The following RFX4 variants were observed in gnomAD, a reference collection of about 807,000 sequenced individuals.
RFX4 encodes the protein transcription factor RFX4.
RFX4 carries 10 observed loss-of-function variants against 95.0 expected under a neutral mutation model. The ratio of observed to expected loss-of-function variants is 0.11; its 90% CI spans 0.06 to 0.18. The LOEUF is 0.18. Ranked by LOEUF, RFX4 falls within the 10% of genes least tolerant of loss-of-function variation. RFX4 has a pLI of 1.00. For missense variants in RFX4, 640 were observed against 922.0 expected, an observed-to-expected ratio of 0.69 and a Z score of 3.96; for synonymous variants, 321 against 340.7, an observed-to-expected ratio of 0.94 and a Z score of 0.64.
At chr12:106,704,883 G>A (rs192054741) in intron 8 of RFX4, among the ~76,000 whole-genome samples, 3 of 152,170 alleles carry the variant, frequency 2.0e-5, no homozygotes, top group African/African-American at 7.2e-5. Context: ...AAGTCAAAGA[G>A]GCAAAGAAAA....
chr12:106,678,069 TA>T (rs1381912621), intron 4 of RFX4, among the ~76,000 whole-genome samples: 1 of 152,232 alleles, frequency 6.6e-6, no homozygotes, highest in Non-Finnish European at 1.5e-5. Flanking sequence ...AGTCATAGAT[TA>T]AATTGATCCG....
chr12:106,588,929 A>C (rs1223069708), intron 1 of RFX4, among the ~76,000 whole-genome samples: 1 of 152,168 alleles, frequency 6.6e-6, no homozygotes, highest in Non-Finnish European at 1.5e-5. Context: ...TTTTCCAAAA[A>C]GGCTGAGAAG....
intron 4 of RFX4, among the ~76,000 whole-genome samples, chr12:106,660,415 C>A (rs1180539569): frequency 6.6e-6 from 1 of 151,778 alleles, no homozygotes; most frequent in African/African-American, 2.4e-5. Flanking sequence ...TCCATGGAAG[C>A]TAAAGTGGGT....
chr12:106,688,551 A>G (rs1204389477), intron 6 of RFX4, among the ~76,000 whole-genome samples: 1 of 152,240 alleles, frequency 6.6e-6, no homozygotes, highest in African/African-American at 2.4e-5. Context: ...AACTAAGTTT[A>G]TATAAAATGC....
intron 10 of RFX4, among the ~76,000 whole-genome samples, chr12:106,712,585 T>A (rs1326915236): frequency 6.6e-6 from 1 of 152,032 alleles, no homozygotes; most frequent in African/African-American, 2.4e-5. Flanking sequence ...CCAGAAAGTA[T>A]AACACAACAC....
intron 1 of RFX4, among the ~76,000 whole-genome samples, chr12:106,584,072 C>T (rs1489422896): frequency 1.3e-5 from 2 of 152,132 alleles, no homozygotes; most frequent in Non-Finnish European, 2.9e-5. Flanking sequence ...CTAAACTCGG[C>T]GTTGGGGTCT....
intron 15 of RFX4, among the ~76,000 whole-genome samples, chr12:106,740,434 C>A (rs896876726): frequency 1.3e-5 from 2 of 152,146 alleles, no homozygotes; most frequent in Admixed American, 1.3e-4. Flanking sequence ...GTCCCTGCTA[C>A]TTCCTTTTCT....
chr12:106,668,221 G>A (rs895493825), intron 4 of RFX4, among the ~76,000 whole-genome samples: 4 of 152,070 alleles, frequency 2.6e-5, no homozygotes, highest in African/African-American at 9.7e-5. Context: ...TCACCTCATG[G>A]TCCAAAATGA....
intron 7 of RFX4, among the ~76,000 whole-genome samples, chr12:106,692,786 GC>G (rs2041808924): frequency 6.6e-6 from 1 of 151,972 alleles, no homozygotes; most frequent in South Asian, 2.1e-4. Flanking sequence ...TTTGTTAAAT[GC>G]CTACACGATG....
chr12:106,677,429 G>A (rs981589509), intron 4 of RFX4, among the ~76,000 whole-genome samples: 2 of 152,130 alleles, frequency 1.3e-5, no homozygotes, highest in Non-Finnish European at 2.9e-5. Context: ...GGTGGGAGTC[G>A]ATCACAGAGG....
chr12:106,599,275 TG>T (rs999608719), intron 1 of RFX4, among the ~76,000 whole-genome samples: 4 of 151,778 alleles, frequency 2.6e-5, no homozygotes, highest in African/African-American at 9.7e-5. Context: ...TTCCCTAAAG[TG>T]GGAAAGGGCA....
intron 1 of RFX4, among the ~76,000 whole-genome samples, chr12:106,607,808 A>C (rs1241960829): frequency 6.6e-6 from 1 of 152,156 alleles, no homozygotes; most frequent in Non-Finnish European, 1.5e-5. Flanking sequence ...TCTAGAAAAC[A>C]GAATAAGTAT....
chr12:106,736,893 A>G (rs2042718640), intron 15 of RFX4, among the ~76,000 whole-genome samples: 2 of 152,076 alleles, frequency 1.3e-5, no homozygotes, highest in South Asian at 4.1e-4. Context: ...GTTTTCATGA[A>G]GCCTGTGCCT....
At chr12:106,677,543 T>C (rs1196256653) in intron 4 of RFX4, among the ~76,000 whole-genome samples, 2 of 152,078 alleles carry the variant, frequency 1.3e-5, no homozygotes, top group Non-Finnish European at 2.9e-5. Context: ...ATTGGCATTT[T>C]AGAAAGATCC....
At chr12:106,696,994 C>T (rs2041892452) in intron 8 of RFX4, among the ~76,000 whole-genome samples, 1 of 152,118 alleles carries the variant, frequency 6.6e-6, no homozygotes, top group South Asian at 2.1e-4. Flanking sequence ...GGCCACCACA[C>T]AGGGCGCTTC....
chr12:106,719,976 C>T lies in RFX4; in HGVS notation c.1155C>T (p.Asp385=). Residue 385 remains aspartate, a synonymous_variant, in exon 12 of 18, where the codon GAC becomes GAT. Transcript: ENST00000392842. ...KLITQLYQEF[D]HLLEEQSPIE... ...GTTTGACAGTATATCAGGAGTTTGA[C>T]CATCTCTTGGAGGAGCAGTCTCCCA... 1 of 1,614,070 alleles carries T rather than the reference C, an allele frequency of 6.2e-7. No homozygotes were observed. The highest frequency in any genetic ancestry group is 1.1e-5 in the South Asian group (1 of 91,070).
rs920618469 is a variant in RFX4 at position 106,762,247 on chromosome 12, T to A, written c.*778T>A. ...GCAAAAGGCAGGAGAGGGTTTTTGTTTTTTTTTTAAGTTCTATGAGAATGT... is the reference window on the plus strand; with the variant it reads ...GCAAAAGGCAGGAGAGGGTTTTTGTATTTTTTTTAAGTTCTATGAGAATGT... On this transcript the variant is annotated 3_prime_UTR_variant, in exon 18 of 18. Coordinates refer to ENST00000392842, the MANE Select transcript of RFX4 (RefSeq NM_213594.3). The A allele has an allele frequency of 6.6e-6, 1 of 151,508 alleles. No individual in the cohort carries two copies. The highest frequency in any genetic ancestry group is 2.4e-5 in the African/African-American group (1 of 41,250). 9.4% of individuals were successfully genotyped at this position (151,508 alleles called of 1,614,324 possible). A position where few individuals can be genotyped will look rare whatever the true frequency, so the allele number is the denominator to read the frequency against.
intron 1 of RFX4, among the ~76,000 whole-genome samples, chr12:106,593,015 A>G (rs1462105728): frequency 6.6e-6 from 1 of 152,162 alleles, no homozygotes; most frequent in East Asian, 1.9e-4. Context: ...CTGTGCCGGG[A>G]GATTACGGAG....
rs76703390 is a variant in RFX4, at chr12:106,711,482, C to T, written c.964C>T (p.Arg322Trp). The change falls in exon 10 of 18, where the codon CGG becomes TGG. Residue 322 changes from arginine (R) to tryptophan (W), a missense_variant. Arg to Trp is a moderately radical substitution (Grantham distance 101). This residue lies in a region of RFX4 where 96 missense variants were observed against 183.7 expected (regional missense o/e 0.52). Transcript: ENST00000392842. ...LSRRFSQILR[R>W]QTSLNHLCQA... is the part of the protein sequence containing the mutation. The stretch of plus-strand genomic sequence containing the variant: ...GAGAAGGTTCTCCCAAATTCTGAGA[C>T]GGCAAACATCACTAAATCATCTCTG... 1,065 of 1,614,020 alleles carry T rather than the reference C, an allele frequency of 6.6e-4. 1 individual carries two copies. Among genetic ancestry groups the T allele is most frequent in the Non-Finnish European group, 7.8e-4 (921 of 1,179,884 alleles).
Sources: gnomAD v4.1 joint callset for allele counts (sites outside exome capture counted in the v4.1 genomes callset) on GRCh38, gnomAD v4.1.1 for gene constraint, gnomAD v4.1.1 regional missense constraint, MANE v1.5 for transcripts, NCBI Gene and HGNC (gene_info 2026-07-23, HGNC 2026-07-21) for gene names.